The following GRB10 variants were observed in gnomAD, a reference collection of about 807,000 sequenced individuals.
GRB10 encodes the protein growth factor receptor-bound protein 10.
In GRB10, 20 loss-of-function variants were observed where a neutral mutation model predicts 80.9. The observed-to-expected ratio is 0.25, with a 90% CI of 0.17 to 0.36. The LOEUF is 0.36. GRB10 is among the 10% of genes least tolerant of loss of function. GRB10 has a pLI of 1.00. For synonymous variants in GRB10, 291 were observed against 291.5 expected (o/e 1.00, Z 0.02); for missense variants, 548 against 747.7 (o/e 0.73, Z 3.12).
chr7:50,715,331 T>C (rs1322512186), intron 4 of GRB10, among the ~76,000 whole-genome samples: 2 of 151,848 alleles, frequency 1.3e-5, no homozygotes, highest in Non-Finnish European at 2.9e-5. Flanking sequence ...CCAGAGGCTT[T>C]GGATAAAGCT....
intron 8 of GRB10, among the ~76,000 whole-genome samples, chr7:50,620,536 T>C (rs923656358): frequency 1.3e-5 from 2 of 152,186 alleles, no homozygotes; most frequent in South Asian, 2.1e-4. Context: ...GCCCCGGTTT[T>C]GACATTACAA....
chr7:50,620,235 G>A (rs930774169), intron 8 of GRB10, among the ~76,000 whole-genome samples: 2 of 152,182 alleles, frequency 1.3e-5, no homozygotes, highest in African/African-American at 4.8e-5. Context: ...GGGTCAAAGT[G>A]TGAAGTGATG....
chr7:50,786,271 C>G (rs2078691024), upstream of GRB10, among the ~76,000 whole-genome samples: 1 of 152,026 alleles, frequency 6.6e-6, no homozygotes, highest in Admixed American at 6.6e-5. Flanking sequence ...AACCAAATAA[C>G]TGCCATCCTA....
At chr7:50,716,719 C>T (rs926063829) in intron 4 of GRB10, among the ~76,000 whole-genome samples, 8 of 152,210 alleles carry the variant, frequency 5.3e-5, no homozygotes, top group Admixed American at 3.9e-4. Context: ...TTGGACACCA[C>T]GCTTCTCTCC....
At chr7:50,624,871 C>CT (rs34475056) in intron 8 of GRB10, among the ~76,000 whole-genome samples, 4,075 of 147,858 alleles carry the variant, frequency 0.028, 194 homozygotes, top group African/African-American at 0.096. Flanking sequence ...AAATATTCCT[C>CT]TTTTTTTTTT....
chr7:50,666,643 C>T (rs945500270), intron 7 of GRB10, among the ~76,000 whole-genome samples: 3 of 152,198 alleles, frequency 2.0e-5, no homozygotes, highest in African/African-American at 4.8e-5. Context: ...TGAGGAGCGC[C>T]AGGTCCACAT....
chr7:50,649,654 G>A (rs1255367447), intron 7 of GRB10, among the ~76,000 whole-genome samples: 1 of 152,224 alleles, frequency 6.6e-6, no homozygotes, highest in Non-Finnish European at 1.5e-5. Context: ...GAGGCAAGGT[G>A]AGGTGAGCAG....
intron 6 of GRB10, among the ~76,000 whole-genome samples, chr7:50,673,253 G>T (rs1404748690): frequency 6.6e-6 from 1 of 152,168 alleles, no homozygotes; most frequent in Non-Finnish European, 1.5e-5. Context: ...AGAGATGGCT[G>T]TACATCCTCC....
chr7:50,664,224 G>T lies in GRB10; in HGVS notation c.504+5498C>A, dbSNP rs58098073. Among the ~76,000 whole-genome samples the T allele has an allele frequency of 2.5e-3, 386 of 152,304 alleles. 1 individual carries two copies. The highest frequency in any genetic ancestry group is 8.8e-3 in the African/African-American group (367 of 41,568). On this transcript the variant is annotated intron_variant, in intron 7 of 18. Transcript: ENST00000401949. ...GGATCAGAATGCAGGAACCGAGAAG[G>T]CCTTTGGGACAGCCCCCCTACAGGG...
intron 7 of GRB10, among the ~76,000 whole-genome samples, chr7:50,635,962 CTTTTTTTTTTTTTTTTTTT>C: frequency 1.4e-5 from 1 of 70,998 alleles, no homozygotes; most frequent in East Asian, 4.5e-4. Flanking sequence ...TTTTCCTTTC[CTTTTTTTTTTTTTTTTTTT>C]TTTTTTTTTG....
Position 50,793,407 on chromosome 7 carries a change from C to G in GRB10, c.-477G>C, listed in dbSNP as rs2079017739. The G allele has an allele frequency of 4.0e-5, 6 of 148,724 alleles. No individual in the cohort carries two copies. In the South Asian group the frequency reaches 1.1e-3, roughly 26 times the overall value. 9.2% of individuals were successfully genotyped at this position (148,724 alleles called of 1,614,324 possible). ...CTTTGGGCTCCACCGGGTCTCCGAG[C>G]GCCGAGCCCGCCCGGCCGCAGCTCG... On this transcript the variant is annotated 5_prime_UTR_variant, in exon 1 of 17. Transcript: ENST00000335866.
intron 3 of GRB10, among the ~76,000 whole-genome samples, chr7:50,739,255 ATG>A (rs1323276994): frequency 6.6e-6 from 1 of 152,346 alleles, no homozygotes; most frequent in East Asian, 1.9e-4. Flanking sequence ...AACTTCAAAA[ATG>A]TTGCACCCAA....
chr7:50,641,096 T>G (rs1422554763), intron 7 of GRB10, among the ~76,000 whole-genome samples: 1 of 152,008 alleles, frequency 6.6e-6, no homozygotes, highest in Non-Finnish European at 1.5e-5. Flanking sequence ...AACAATTTTT[T>G]TGTCTTTCTT....
intron 13 of GRB10, 46 bp from the exon 14 acceptor site, chr7:50,606,460 G>T (rs1164205091): frequency 7.0e-7 from 1 of 1,424,098 alleles, no homozygotes; most frequent in Non-Finnish European, 9.9e-7. Flanking sequence ...GGAGCCCCGA[G>T]GCCCGGCATG....
At chr7:50,736,370 A>G (rs1398530842) in intron 3 of GRB10, among the ~76,000 whole-genome samples, 1 of 152,258 alleles carries the variant, frequency 6.6e-6, no homozygotes, top group Non-Finnish European at 1.5e-5. Flanking sequence ...GTACTAACAT[A>G]AGGACTAACA....
intron 12 of GRB10, among the ~76,000 whole-genome samples, 163 bp downstream of exon 12, chr7:50,614,607 G>GC (rs144161707): frequency 0.22 from 34,059 of 152,136 alleles, 4,624 homozygotes; most frequent in Non-Finnish European, 0.29. Context: ...ACTGATAGCA[G>GC]CAAGTGTACA....
At chr7:50,790,305 G>C (rs1562725613) in intron 1 of GRB10, among the ~76,000 whole-genome samples, 2 of 152,160 alleles carry the variant, frequency 1.3e-5, no homozygotes, top group Admixed American at 6.5e-5. Context: ...CACCCACCAA[G>C]TAGTTGGACG....
rs913107635 is a variant in GRB10, at chr7:50,782,276, G to C, written c.-327+148C>G. On this transcript the variant is annotated intron_variant, in intron 1 of 18. Transcript: ENST00000401949. The surrounding 1 kb of genome is among the most constrained non-coding windows in gnomAD (Gnocchi z 6.6). Reference sequence around the variant, plus strand: ...GCGGCAGGCGGGCAGGGGGCCGCGCGGCAAGACCTCCCCGCCTCCCTCCCG... The same window carrying C: ...GCGGCAGGCGGGCAGGGGGCCGCGCCGCAAGACCTCCCCGCCTCCCTCCCG... 7 of 151,380 alleles carry C rather than the reference G, an allele frequency of 4.6e-5. 1 individual carries two copies. 9.4% of individuals were successfully genotyped at this position (151,380 alleles called of 1,614,324 possible).
intron 2 of GRB10, among the ~76,000 whole-genome samples, chr7:50,771,875 A>C (rs1461982272): frequency 6.6e-6 from 1 of 152,214 alleles, no homozygotes; most frequent in Non-Finnish European, 1.5e-5. Context: ...ACTCTTCTAA[A>C]CGGGGCATGG....
Sources: gnomAD v4.1 joint callset for allele counts (sites outside exome capture counted in the v4.1 genomes callset) on GRCh38, gnomAD v4.1.1 for gene constraint, Gnocchi (gnomAD v3.1) non-coding constraint, MANE v1.5 for transcripts, NCBI Gene and HGNC (gene_info 2026-07-23, HGNC 2026-07-21) for gene names.